Variants in CSMD1 observed in about 807,000 individuals in gnomAD.
CSMD1 encodes CUB and Sushi multiple domains 1, also known as CUB and sushi domain-containing protein 1.
CSMD1 carries 213 observed loss-of-function variants against 417.5 expected under a neutral mutation model. The observed-to-expected ratio is 0.51, with a 90% CI of 0.46 to 0.57. The LOEUF is 0.57. CSMD1 is among the 20% of genes least tolerant of loss of function. The pLI is 0.00. For synonymous variants in CSMD1, 2,862 were observed against 1,736.8 expected, an observed-to-expected ratio of 1.65 and a Z score of -16.11; for missense variants, 6,923 against 4,529.7, an observed-to-expected ratio of 1.53 and a Z score of -15.17.
At chr8:4,276,756 T>G (rs538849088) in intron 3 of CSMD1, among the ~76,000 whole-genome samples, 25 of 152,350 alleles carry the variant, frequency 1.6e-4, no homozygotes, top group African/African-American at 5.8e-4. Context: ...TTGATGTTTC[T>G]GTGTAGAAGG....
At chr8:3,107,658 G>T in intron 45 of CSMD1, 60 bp downstream of exon 45, 1 of 913,588 alleles carries the variant, frequency 1.1e-6, no homozygotes, top group Admixed American at 2.1e-5. Context: ...ATTACAATGA[G>T]AAGTGGGTGT....
At chr8:4,724,808 A>G (rs753458030) in intron 1 of CSMD1, among the ~76,000 whole-genome samples, 5 of 152,106 alleles carry the variant, frequency 3.3e-5, no homozygotes, top group Non-Finnish European at 7.4e-5. Flanking sequence ...AATCAAGTTG[A>G]TATATTCAAG....
At chr8:3,248,804 C>G (rs981870113) in intron 26 of CSMD1, among the ~76,000 whole-genome samples, 4 of 152,062 alleles carry the variant, frequency 2.6e-5, no homozygotes, top group African/African-American at 9.7e-5. Flanking sequence ...ACCCTATTCT[C>G]TTGTTCACTT....
chr8:4,418,701 TTGATATCATCAA>T (rs1016039305), intron 3 of CSMD1, among the ~76,000 whole-genome samples: 4 of 152,332 alleles, frequency 2.6e-5, no homozygotes, highest in African/African-American at 9.6e-5. Flanking sequence ...AAGTGGTACA[TTGATATCATCAA>T]TGATACAATC....
chr8:3,706,901 C>T (rs1024166082), intron 7 of CSMD1, among the ~76,000 whole-genome samples: 1 of 152,084 alleles, frequency 6.6e-6, no homozygotes, highest in Non-Finnish European at 1.5e-5. Context: ...TTTTTCCCTT[C>T]AGTTTTCCCA....
intron 3 of CSMD1, among the ~76,000 whole-genome samples, chr8:4,143,556 G>T (rs540372456): frequency 1.3e-5 from 2 of 151,010 alleles, no homozygotes; most frequent in East Asian, 3.9e-4. Context: ...ATACTTGTAA[G>T]GCTTAGATAT....
intron 5 of CSMD1, among the ~76,000 whole-genome samples, chr8:3,908,591 C>T (rs922565818): frequency 1.3e-5 from 2 of 152,124 alleles, no homozygotes; most frequent in Non-Finnish European, 2.9e-5. Context: ...CTTGTTTAAT[C>T]CCTGGAACAT....
chr8:3,312,763 C>T (rs1262830547), intron 23 of CSMD1, among the ~76,000 whole-genome samples: 1 of 151,918 alleles, frequency 6.6e-6, no homozygotes, highest in Non-Finnish European at 1.5e-5. Context: ...AAACTGTGCC[C>T]TTAGAGCCAT....
chr8:3,659,917 C>T (rs1044112275), intron 7 of CSMD1, among the ~76,000 whole-genome samples: 3 of 152,108 alleles, frequency 2.0e-5, no homozygotes, highest in Non-Finnish European at 2.9e-5. Flanking sequence ...CAAGAAAGAG[C>T]ATATCTTCAT....
intron 1 of CSMD1, among the ~76,000 whole-genome samples, chr8:4,645,929 G>A (rs531699794): frequency 1.3e-5 from 2 of 152,208 alleles, no homozygotes; most frequent in South Asian, 2.1e-4. Flanking sequence ...CATGTAACAC[G>A]ACTTTAGAGA....
intron 1 of CSMD1, among the ~76,000 whole-genome samples, chr8:4,699,005 C>T (rs1190610597): frequency 7.2e-5 from 11 of 151,944 alleles, no homozygotes; most frequent in African/African-American, 2.4e-4. Context: ...TGCTTTGTGT[C>T]TCCACTATCT....
chr8:3,904,235 A>G (rs1047392593), intron 5 of CSMD1, among the ~76,000 whole-genome samples: 1 of 152,200 alleles, frequency 6.6e-6, no homozygotes, highest in Non-Finnish European at 1.5e-5. Context: ...GAGCTGAGTT[A>G]GGGTAGAGAC....
At chr8:4,406,487 A>T (rs778423409) in intron 3 of CSMD1, among the ~76,000 whole-genome samples, 18 of 152,324 alleles carry the variant, frequency 1.2e-4, no homozygotes, top group Non-Finnish European at 2.6e-4. Flanking sequence ...CATTAATTAG[A>T]TGGGAACAAG....
chr8:3,664,552 C>A (rs148440766), intron 7 of CSMD1, among the ~76,000 whole-genome samples: 103 of 152,308 alleles, frequency 6.8e-4, no homozygotes, highest in African/African-American at 2.2e-3. Context: ...GTGAGTGTTT[C>A]CTCATGAGAG....
At position 4,029,303 on chromosome 8, in the gene CSMD1, C is replaced by T. The variant is rs914039333; in HGVS notation, c.610+2602G>A. Among the ~76,000 whole-genome samples, 6 of 152,202 alleles carry T rather than the reference C, an allele frequency of 3.9e-5. No individual in the cohort carries two copies. In the South Asian group the frequency reaches 6.2e-4, roughly 16 times the overall value. ...AACAAGTTGCATTAGTCTGTTTTCACGCTGGTGATAATGCATACCCAAGAA... is the reference window on the plus strand; with the variant it reads ...AACAAGTTGCATTAGTCTGTTTTCATGCTGGTGATAATGCATACCCAAGAA... On this transcript the variant is annotated intron_variant, in intron 4 of 69. Coordinates refer to ENST00000635120, the MANE Select transcript of CSMD1 (RefSeq NM_033225.6).
intron 7 of CSMD1, among the ~76,000 whole-genome samples, chr8:3,703,649 G>C (rs1335562437): frequency 6.6e-6 from 1 of 152,146 alleles, no homozygotes; most frequent in Non-Finnish European, 1.5e-5. Flanking sequence ...TGGCCTAGCA[G>C]GAAGAAGCAG....
In CSMD1 at chr8:2,936,710, G is replaced by A. The variant is rs976714151; in HGVS notation, c.*1875C>T. The A allele has an allele frequency of 6.6e-6, 1 of 152,218 alleles. No homozygotes were observed. Among genetic ancestry groups the A allele is most frequent in the African/African-American group, 2.4e-5 (1 of 41,448 alleles). The allele number at this position is 152,218 out of a possible 1,614,324, so 9.4% of individuals were successfully genotyped here. ...GTCCCCAAACAGCAGAGACCCTTTC[G>A]ACCGAGGAACACAACACTGGGAGCC... On this transcript the variant is annotated 3_prime_UTR_variant, in exon 70 of 70. Coordinates refer to ENST00000635120, the MANE Select transcript of CSMD1 (RefSeq NM_033225.6).
At chr8:4,493,309 T>C (rs1279328677) in intron 2 of CSMD1, among the ~76,000 whole-genome samples, 1 of 152,000 alleles carries the variant, frequency 6.6e-6, no homozygotes, top group Non-Finnish European at 1.5e-5. Flanking sequence ...AGAGAGAGAG[T>C]TTGTGCGTGT....
At chr8:4,247,649 C>A (rs1447914105) in intron 3 of CSMD1, among the ~76,000 whole-genome samples, 3 of 152,132 alleles carry the variant, frequency 2.0e-5, no homozygotes, top group Non-Finnish European at 4.4e-5. Context: ...AAGTTATCAC[C>A]ATTCAACATG....
Sources: allele counts gnomAD v4.1 joint callset (sites outside exome capture counted in the v4.1 genomes callset), GRCh38; gene constraint gnomAD v4.1.1; transcripts MANE v1.5; gene names NCBI Gene and HGNC (gene_info 2026-07-23, HGNC 2026-07-21).